The following FBXL20 variants were observed in gnomAD, a reference collection of about 807,000 sequenced individuals.
FBXL20 encodes the protein F-box/LRR-repeat protein 20.
FBXL20 carries 11 observed loss-of-function variants against 64.0 expected under a neutral mutation model. The ratio of observed to expected loss-of-function variants is 0.17; its 90% CI spans 0.11 to 0.28. FBXL20 has a LOEUF of 0.28. Among genes scored for constraint, FBXL20 ranks in the 10% least tolerant of loss-of-function variants. The probability of loss-of-function intolerance (pLI) is 1.00; values close to 1 mark genes in which losing one functional copy is unlikely to be tolerated. For missense variants in FBXL20, 303 were observed against 526.2 expected, an observed-to-expected ratio of 0.58 and a Z score of 4.15; for synonymous variants, 184 against 189.0, an observed-to-expected ratio of 0.97 and a Z score of 0.22.
At chr17:39,337,631 G>A (rs548133554) in intron 2 of FBXL20, among the ~76,000 whole-genome samples, 45 of 150,862 alleles carry the variant, frequency 3.0e-4, no homozygotes, top group Non-Finnish European at 5.8e-4. Context: ...GTCTCTGCCC[G>A]GCCGCCCCGT....
intron 2 of FBXL20, among the ~76,000 whole-genome samples, chr17:39,313,602 A>G (rs773338657): frequency 6.6e-6 from 1 of 152,004 alleles, no homozygotes; most frequent in Non-Finnish European, 1.5e-5. Context: ...TAGCTACTAC[A>G]GCAATTATTT....
intron 6 of FBXL20, among the ~76,000 whole-genome samples, chr17:39,287,847 G>A (rs1438545406): frequency 1.3e-5 from 2 of 152,002 alleles, no homozygotes; most frequent in Non-Finnish European, 2.9e-5. Flanking sequence ...ATTCATGAGG[G>A]ACCCAGTTTT....
chr17:39,319,976 A>C (rs1253993055), intron 2 of FBXL20, among the ~76,000 whole-genome samples: 1 of 152,126 alleles, frequency 6.6e-6, no homozygotes, highest in Non-Finnish European at 1.5e-5. Flanking sequence ...TTAATTGAAA[A>C]ACACACAGAT....
chr17:39,357,228 G>A (rs180708451), intron 1 of FBXL20, among the ~76,000 whole-genome samples: 125 of 147,442 alleles, frequency 8.5e-4, no homozygotes, highest in African/African-American at 3.0e-3. Context: ...AGCCAAGTTC[G>A]TGCCACACTG....
intron 2 of FBXL20, among the ~76,000 whole-genome samples, chr17:39,340,384 C>T (rs2047570826): frequency 6.6e-6 from 1 of 151,860 alleles, no homozygotes; most frequent in African/African-American, 2.4e-5. Flanking sequence ...CGTGAGCCAC[C>T]GCGCCCGACT....
chr17:39,268,186 T>C (rs766967800), intron 12 of FBXL20, among the ~76,000 whole-genome samples: 1 of 151,980 alleles, frequency 6.6e-6, no homozygotes, highest in African/African-American at 2.4e-5. Context: ...ATCCCATCTC[T>C]ACTAAGAATA....
At chr17:39,351,249 T>C (rs1235279025) in intron 1 of FBXL20, among the ~76,000 whole-genome samples, 1 of 151,452 alleles carries the variant, frequency 6.6e-6, no homozygotes, top group Non-Finnish European at 1.5e-5. Context: ...GGCAGGAGAA[T>C]TGCTCGAAAC....
intron 3 of FBXL20, among the ~76,000 whole-genome samples, chr17:39,302,194 A>G: frequency 6.6e-6 from 1 of 151,910 alleles, no homozygotes. Flanking sequence ...TTTTCTATAT[A>G]TAGAGTATAT....
intron 2 of FBXL20, among the ~76,000 whole-genome samples, chr17:39,312,067 G>A (rs1567874695): frequency 6.6e-6 from 1 of 152,074 alleles, no homozygotes; most frequent in East Asian, 1.9e-4. Context: ...ACGTTTTAGA[G>A]CATTTAAAAA....
At chr17:39,275,587 T>G (rs1042105060) in intron 9 of FBXL20, among the ~76,000 whole-genome samples, 2 of 151,858 alleles carry the variant, frequency 1.3e-5, no homozygotes, top group African/African-American at 4.8e-5. Context: ...ATTTTTTTTT[T>G]TGTATTTTTA....
rs150842585 is a variant in FBXL20 at position 39,356,652 on chromosome 17, G to A, written c.43-13411C>T. Among the ~76,000 whole-genome samples the A allele has an allele frequency of 9.4e-3, 1,418 of 151,508 alleles. 29 individuals are homozygous for A. The highest frequency in any genetic ancestry group is 0.032 in the African/African-American group (1,337 of 41,292). ...ATTATAGGCATGAGCCCCTGCGCTC[G>A]GCCTACATTTGTGTTTGTTTTGAGA... is the stretch of plus-strand genomic sequence containing the variant. On this transcript the variant is annotated intron_variant, in intron 1 of 14. Coordinates refer to ENST00000264658, the MANE Select transcript of FBXL20 (RefSeq NM_032875.3).
chr17:39,376,900 A>G (rs1407685258), intron 1 of FBXL20, among the ~76,000 whole-genome samples: 1 of 152,108 alleles, frequency 6.6e-6, no homozygotes, highest in Non-Finnish European at 1.5e-5. Flanking sequence ...GAGACAGTGA[A>G]AGAGATCTAA....
intron 1 of FBXL20, among the ~76,000 whole-genome samples, chr17:39,382,092 C>CAAAA (rs36115875): frequency 2.4e-4 from 17 of 71,406 alleles, no homozygotes; most frequent in African/African-American, 6.7e-4. Context: ...GACTCCGTCT[C>CAAAA]AAAAAAAAAA....
intron 1 of FBXL20, among the ~76,000 whole-genome samples, chr17:39,373,612 C>T (rs138680037): frequency 3.3e-4 from 50 of 152,224 alleles, no homozygotes; most frequent in African/African-American, 9.9e-4. Flanking sequence ...TTCAGAAATC[C>T]GAATATTTTC....
At chr17:39,310,827 ATACAAAAAT>A (rs2047228388) in intron 2 of FBXL20, among the ~76,000 whole-genome samples, 2 of 152,224 alleles carry the variant, frequency 1.3e-5, no homozygotes, top group East Asian at 3.9e-4. Context: ...CTCTACTAAA[ATACAAAAAT>A]TAGTCAGGCA....
chr17:39,271,519 A>C (rs1597763999), intron 10 of FBXL20, among the ~76,000 whole-genome samples: 1 of 145,376 alleles, frequency 6.9e-6, no homozygotes, highest in Admixed American at 7.1e-5. Flanking sequence ...AATCGCTTGA[A>C]CCCGGGAGGC....
intron 1 of FBXL20, among the ~76,000 whole-genome samples, chr17:39,362,599 A>T (rs1597820676): frequency 1.3e-5 from 2 of 150,602 alleles, no homozygotes; most frequent in South Asian, 4.2e-4. Context: ...CTGGGATTAC[A>T]GGCGTGAGCC....
chr17:39,333,792 C>T (rs1329215557), intron 2 of FBXL20, among the ~76,000 whole-genome samples: 2 of 151,932 alleles, frequency 1.3e-5, no homozygotes, highest in Non-Finnish European at 2.9e-5. Flanking sequence ...CTCTGCCCGG[C>T]CGCGACCCCG....
chr17:39,401,863 G>T, upstream of FBXL20: 1 of 408,014 alleles, frequency 2.5e-6, no homozygotes. Flanking sequence ...CGAGGCAGAC[G>T]AGCCCATCGG....
Sources: gnomAD v4.1 joint callset for allele counts (sites outside exome capture counted in the v4.1 genomes callset) on GRCh38, gnomAD v4.1.1 for gene constraint, MANE v1.5 for transcripts, NCBI Gene and HGNC (gene_info 2026-07-23, HGNC 2026-07-21) for gene names.